Variants in PYGB observed in about 807,000 individuals in gnomAD.
PYGB encodes the protein glycogen phosphorylase, brain form.
A neutral mutation model predicts 94.3 loss-of-function variants in PYGB; 82 were observed. The observed-to-expected ratio is 0.87, with a 90% CI of 0.73 to 1.04. PYGB has a LOEUF of 1.04. PYGB is among the 50% of genes least tolerant of loss of function. PYGB has a pLI of 0.00. For missense variants in PYGB, 1,132 were observed against 1,158.2 expected (o/e 0.98, Z 0.33); for synonymous variants, 488 against 479.1 (o/e 1.02, Z -0.24).
At chr20:25,253,623 T>TAAAATA (rs1568681767) in intron 1 of PYGB, among the ~76,000 whole-genome samples, 29 of 146,318 alleles carry the variant, frequency 2.0e-4, no homozygotes, top group African/African-American at 7.1e-4. Context: ...CAACTCTGCC[T>TAAAATA]AAATAAAATA....
Position 25,280,355 on chromosome 20 carries a change from G to T in PYGB, c.1182G>T (p.Glu394Asp). ...AGCGCTGGCCCGTGTCCATGTTTGAGAAGCTGCTGCCGCGGCACCTGGAGA... is the reference window on the plus strand; with the variant it reads ...AGCGCTGGCCCGTGTCCATGTTTGATAAGCTGCTGCCGCGGCACCTGGAGA... The part of the protein sequence containing the change: ...ALERWPVSMF[E>D]KLLPRHLEII... Residue 394 changes from glutamate to aspartate, a missense_variant, in exon 10 of 20, where the codon GAG becomes GAT. Physicochemically the swap from Glu to Asp is conservative, Grantham distance 45. Transcript: ENST00000216962. 6.2e-7 allele frequency: 1 copy of T among 1,614,204 alleles called. No homozygotes were observed. Among genetic ancestry groups the T allele is most frequent in the African/African-American group, 1.3e-5 (1 of 75,078 alleles).
chr20:25,273,247 C>T (rs2088282339), intron 4 of PYGB, among the ~76,000 whole-genome samples: 1 of 152,234 alleles, frequency 6.6e-6, no homozygotes, highest in Non-Finnish European at 1.5e-5. Flanking sequence ...CCGACGACTC[C>T]TGGACTAACT....
intron 7 of PYGB, 33 bp from the exon 8 acceptor site, chr20:25,278,284 AGC>A (rs1491275904): frequency 3.1e-6 from 3 of 960,298 alleles, no homozygotes; most frequent in Non-Finnish European, 2.7e-6. Context: ...AGAATGGCCC[AGC>A]CTGCACCCTC....
Position 25,280,417 on chromosome 20 carries a change from G to T in PYGB, c.1239+5G>T. The T allele has an allele frequency of 6.2e-7, 1 of 1,613,942 alleles. No homozygotes were observed. Among genetic ancestry groups the T allele is most frequent in the Non-Finnish European group, 8.5e-7 (1 of 1,179,938 alleles). ...ATCAACCAGCGGCACCTGGACGTGA[G>T]TGTGGGCCCAGCTGGCCGTGTAGGG... On this transcript the variant is annotated splice_donor_5th_base_variant and intron_variant, in intron 10 of 19. Transcript: ENST00000216962.
At chr20:25,280,650 C>T (rs2088357910) in intron 10 of PYGB, among the ~76,000 whole-genome samples, 2 of 152,264 alleles carry the variant, frequency 1.3e-5, no homozygotes, top group African/African-American at 4.8e-5. Flanking sequence ...TCAGACCCAT[C>T]TTCCTCAGAC....
At position 25,274,596 on chromosome 20, in the gene PYGB, A is replaced by G. The variant is rs200539270; in HGVS notation, c.533A>G (p.Glu178Gly). 5.0e-6 allele frequency: 8 copies of G among 1,613,052 alleles called. No homozygotes were observed. The highest frequency in any genetic ancestry group is 5.9e-6 in the Non-Finnish European group (7 of 1,179,602). ...TCACAGCTGGCTTCTTTCCAGGTAG[A>G]GGAGGCCGATGACTGGCTGCGCTAC... ...NQKIVNGWQV[E>G]EADDWLRYGN... Residue 178 changes from glutamate to glycine, a missense_variant, in exon 5 of 20, where the codon GAG (glutamate) becomes GGG (glycine). Physicochemically the swap from Glu to Gly is moderately conservative, Grantham distance 98 (BLOSUM62 -2). Transcript: ENST00000216962.
chr20:25,294,991 CAT>C (rs769995300), intron 18 of PYGB: 2 of 1,614,228 alleles, frequency 1.2e-6, no homozygotes, highest in Non-Finnish European at 1.7e-6. Context: ...GCTCTGACCA[CAT>C]GCTGGGATCT....
chr20:25,267,686 G>A (rs954290705), intron 2 of PYGB, among the ~76,000 whole-genome samples: 1 of 152,010 alleles, frequency 6.6e-6, no homozygotes, highest in Non-Finnish European at 1.5e-5. Context: ...GTGCACCACC[G>A]TACCCAGCTA....
intron 18 of PYGB, chr20:25,295,087 T>C (rs1005170336): frequency 2.6e-6 from 4 of 1,538,624 alleles, no homozygotes; most frequent in Non-Finnish European, 3.6e-6. Flanking sequence ...GAAGTGTGCT[T>C]CTGACTCGAT....
chr20:25,274,699 C>T lies in PYGB; in HGVS notation c.636C>T (p.Asp212=), dbSNP rs199880670. ...ACGGACGCGTGGAGCACACCCCCGA[C>T]GGCGTGAAGTGGCTGGACACACAGG... The part of the protein sequence containing the change: ...HFYGRVEHTP[D]GVKWLDTQVV... Residue 212 remains aspartate (D), a synonymous_variant, in exon 5 of 20, where the codon GAC becomes GAT. Transcript: ENST00000216962. 2.5e-5 allele frequency: 40 copies of T among 1,613,390 alleles called. No homozygotes were observed. Among genetic ancestry groups the T allele is most frequent in the East Asian group, 1.8e-4 (8 of 44,882 alleles).
At chr20:25,260,064 G>A (rs2092910186) in intron 2 of PYGB, among the ~76,000 whole-genome samples, 2 of 152,150 alleles carry the variant, frequency 1.3e-5, no homozygotes, top group Admixed American at 6.5e-5. Flanking sequence ...CAAATGTCTT[G>A]CATGGCTGGG....
At chr20:25,276,033 C>A (rs1184563904) in intron 5 of PYGB, among the ~76,000 whole-genome samples, 6 of 152,142 alleles carry the variant, frequency 3.9e-5, no homozygotes, top group Non-Finnish European at 7.4e-5. Context: ...CCCCTCCTGC[C>A]CTTGGTGGTA....
chr20:25,248,413 G>A lies in PYGB; in HGVS notation c.235G>A (p.Asp79Asn), dbSNP rs1437454712. 1.3e-6 allele frequency: 2 copies of A among 1,529,274 alleles called. No individual in the cohort carries two copies. Among genetic ancestry groups the A allele is most frequent in the Admixed American group, 3.9e-5 (2 of 50,676 alleles). The allele number at this position is 1,529,274 out of a possible 1,614,324, so 94.7% of individuals were successfully genotyped here. Residue 79 changes from aspartate to asparagine, a missense_variant, in exon 1 of 20, where the codon GAC (aspartate) becomes AAC (asparagine). Coordinates refer to ENST00000216962, the MANE Select transcript of PYGB (RefSeq NM_002862.4). ...IRTQQHYYER[D>N]PKRIYYLSLE... is the part of the protein sequence containing the mutation. Reference sequence around the variant, plus strand: ...CACGCAGCAGCACTACTACGAGCGCGACCCCAAGGTGAGGCGCTGCCCCGC... The same window carrying A: ...CACGCAGCAGCACTACTACGAGCGCAACCCCAAGGTGAGGCGCTGCCCCGC...
At chr20:25,272,419 A>G (rs1417461841) in intron 4 of PYGB, among the ~76,000 whole-genome samples, 1 of 152,218 alleles carries the variant, frequency 6.6e-6, no homozygotes, top group Non-Finnish European at 1.5e-5. Context: ...AAATTAACCC[A>G]AAACATAAAC....
intron 16 of PYGB, 119 bp downstream of exon 16, chr20:25,290,741 C>A: frequency 7.1e-7 from 1 of 1,399,350 alleles, no homozygotes; most frequent in Non-Finnish European, 9.9e-7. Flanking sequence ...CCAGACCTAG[C>A]CAGCCGGGCT....
chr20:25,265,125 C>T (rs2088205725), intron 2 of PYGB, among the ~76,000 whole-genome samples: 1 of 152,156 alleles, frequency 6.6e-6, no homozygotes, highest in Non-Finnish European at 1.5e-5. Context: ...TAATACCACA[C>T]ATCTACAACC....
intron 13 of PYGB, 35 bp from the exon 14 acceptor site, chr20:25,284,068 GA>G: frequency 6.2e-7 from 1 of 1,608,214 alleles, no homozygotes; most frequent in South Asian, 1.1e-5. Context: ...GAGTCCTGGT[GA>G]AGTCTCCAGC....
intron 2 of PYGB, among the ~76,000 whole-genome samples, chr20:25,260,292 T>G (rs1268556678): frequency 6.6e-6 from 1 of 152,208 alleles, no homozygotes; most frequent in Non-Finnish European, 1.5e-5. Context: ...AATATCTTAG[T>G]CTTGTCTTTG....
At position 25,290,630 on chromosome 20, in the gene PYGB, T is replaced by C; in HGVS notation, c.1969+8T>C. ...TGTCCTTGGCTGAGAAAGGTAACCC[T>C]GGAAGCCTGTGTTGGACAGAAAACT... On this transcript the variant is annotated splice_region_variant and intron_variant, in intron 16 of 19. Transcript: ENST00000216962. The C allele has an allele frequency of 1.3e-6, 2 of 1,593,368 alleles. No individual in the cohort carries two copies. Among genetic ancestry groups the C allele is most frequent in the African/African-American group, 1.3e-5 (1 of 74,732 alleles).
Sources: gnomAD v4.1 joint callset for allele counts (sites outside exome capture counted in the v4.1 genomes callset) on GRCh38, gnomAD v4.1.1 for gene constraint, MANE v1.5 for transcripts, NCBI Gene and HGNC (gene_info 2026-07-23, HGNC 2026-07-21) for gene names.